The following ZNF407 variants were observed in gnomAD, a reference collection of about 807,000 sequenced individuals.
ZNF407 encodes the protein zinc finger protein 407.
A neutral mutation model predicts 131.2 loss-of-function variants in ZNF407; 17 were observed. That is an observed-to-expected ratio of 0.13 (90% CI 0.09 to 0.19). ZNF407 has a LOEUF of 0.19. ZNF407 is among the 10% of genes least tolerant of loss of function. The pLI, the probability that ZNF407 is intolerant of heterozygous loss-of-function variation, is 1.00. For synonymous variants in ZNF407, 1,156 were observed against 1,062.0 expected, an observed-to-expected ratio of 1.09 and a Z score of -1.72; for missense variants, 2,681 against 2,830.6, an observed-to-expected ratio of 0.95 and a Z score of 1.20.
intron 8 of ZNF407, among the ~76,000 whole-genome samples, chr18:75,043,092 CTG>C (rs1973392466): frequency 6.6e-6 from 1 of 152,180 alleles, no homozygotes; most frequent in African/African-American, 2.4e-5. Context: ...TGCCAACAAA[CTG>C]TTTTCCACCA....
At chr18:74,865,383 A>G (rs996245431) in intron 4 of ZNF407, among the ~76,000 whole-genome samples, 1 of 152,198 alleles carries the variant, frequency 6.6e-6, no homozygotes, top group African/African-American at 2.4e-5. Context: ...CCTTGCCCAT[A>G]ATTGAAAAAG....
At chr18:74,806,524 T>C (rs1970112077) in intron 4 of ZNF407, among the ~76,000 whole-genome samples, 1 of 152,190 alleles carries the variant, frequency 6.6e-6, no homozygotes, top group African/African-American at 2.4e-5. Flanking sequence ...CTTAGTTTCA[T>C]TTTCTGGAAA....
At chr18:74,908,193 T>C (rs1425450347) in intron 7 of ZNF407, among the ~76,000 whole-genome samples, 1 of 152,236 alleles carries the variant, frequency 6.6e-6, no homozygotes, top group Non-Finnish European at 1.5e-5. Flanking sequence ...TTATGCTATA[T>C]AGCAGTATTA....
At chr18:74,925,565 TAG>T (rs1345695798) in intron 8 of ZNF407, among the ~76,000 whole-genome samples, 1 of 152,230 alleles carries the variant, frequency 6.6e-6, no homozygotes, top group Non-Finnish European at 1.5e-5. Context: ...TAGAACCTTG[TAG>T]AATAGAATGC....
intron 3 of ZNF407, 58 bp from the exon 4 acceptor site, chr18:74,781,370 C>T (rs1969598204): frequency 2.5e-6 from 3 of 1,190,040 alleles, no homozygotes; most frequent in Admixed American, 2.4e-5. Flanking sequence ...TCTCTTTGTA[C>T]AGATTTCTAG....
chr18:74,811,409 CT>C (rs942032415), intron 4 of ZNF407, among the ~76,000 whole-genome samples: 3 of 152,036 alleles, frequency 2.0e-5, no homozygotes, highest in African/African-American at 7.3e-5. Flanking sequence ...AATAGGAACA[CT>C]TTTACACTGT....
chr18:74,940,706 T>C (rs1270263201), intron 8 of ZNF407, among the ~76,000 whole-genome samples: 2 of 152,298 alleles, frequency 1.3e-5, no homozygotes, highest in East Asian at 3.9e-4. Flanking sequence ...AATCCTACTT[T>C]GCGGGGCTGT....
intron 6 of ZNF407, among the ~76,000 whole-genome samples, chr18:74,884,037 C>T (rs1263543651): frequency 1.3e-5 from 2 of 152,092 alleles, no homozygotes; most frequent in African/African-American, 4.8e-5. Context: ...ATCCGTTTGC[C>T]TTTAAAATGA....
chr18:74,664,168 T>C (rs748937796), intron 3 of ZNF407, among the ~76,000 whole-genome samples: 3 of 152,168 alleles, frequency 2.0e-5, no homozygotes, highest in Admixed American at 6.5e-5. Flanking sequence ...GTGAATACCA[T>C]TTAACCAACG....
intron 3 of ZNF407, among the ~76,000 whole-genome samples, chr18:74,651,656 A>G (rs1224013914): frequency 6.6e-6 from 1 of 152,166 alleles, no homozygotes; most frequent in African/African-American, 2.4e-5. Context: ...AAAGTGGAAA[A>G]AAGGAAAGAT....
In ZNF407 at chr18:74,633,534, C is replaced by T; in HGVS notation, c.2515C>T (p.Pro839Ser). ...TGATGAATTAGCTTCAACCACTACT[C>T]CAAAGAGAGGGAGACCTAAAGGTAA... is the stretch of plus-strand genomic sequence containing the variant. ...KDDELASTTT[P>S]KRGRPKGNIS... Residue 839 changes from proline (P) to serine (S), a missense_variant, in exon 2 of 9, where the codon CCA (proline) becomes TCA (serine). Coordinates refer to ENST00000299687, the MANE Select transcript of ZNF407 (RefSeq NM_017757.3). The T allele has an allele frequency of 6.2e-7, 1 of 1,613,942 alleles. No homozygotes were observed. Among genetic ancestry groups the T allele is most frequent in the Non-Finnish European group, 8.5e-7 (1 of 1,179,874 alleles).
intron 8 of ZNF407, among the ~76,000 whole-genome samples, chr18:74,971,370 A>G (rs890744630): frequency 1.3e-5 from 2 of 152,198 alleles, no homozygotes; most frequent in Non-Finnish European, 2.9e-5. Flanking sequence ...CAAGTTTTCC[A>G]AACTTTTGTG....
At chr18:75,029,685 T>A (rs1026912520) in intron 8 of ZNF407, among the ~76,000 whole-genome samples, 23 of 152,236 alleles carry the variant, frequency 1.5e-4, no homozygotes, top group Non-Finnish European at 2.8e-4. Context: ...GTGCTTCGTT[T>A]CTTCAGCTCG....
chr18:74,869,386 T>C (rs1459181872), intron 4 of ZNF407, among the ~76,000 whole-genome samples: 1 of 152,198 alleles, frequency 6.6e-6, no homozygotes, highest in Non-Finnish European at 1.5e-5. Context: ...TTCCAAGCCC[T>C]GCAGCCCTGC....
At chr18:74,873,507 T>G (rs531456502) in intron 4 of ZNF407, among the ~76,000 whole-genome samples, 1 of 152,262 alleles carries the variant, frequency 6.6e-6, no homozygotes, top group South Asian at 2.1e-4. Flanking sequence ...GAAAGAAACC[T>G]CTCATAAATA....
chr18:74,733,072 G>GT (rs1968331046), intron 3 of ZNF407, among the ~76,000 whole-genome samples: 2 of 151,560 alleles, frequency 1.3e-5, no homozygotes, highest in African/African-American at 2.4e-5. Context: ...AGTAAAAAGT[G>GT]TTTAACTGTT....
intron 3 of ZNF407, among the ~76,000 whole-genome samples, chr18:74,756,298 C>T (rs1460350365): frequency 6.6e-6 from 1 of 152,040 alleles, no homozygotes; most frequent in Non-Finnish European, 1.5e-5. Flanking sequence ...TTTGGTTATT[C>T]TGAGTCTCTT....
chr18:74,724,265 G>A (rs1968106104), intron 3 of ZNF407, among the ~76,000 whole-genome samples: 1 of 152,120 alleles, frequency 6.6e-6, no homozygotes, highest in African/African-American at 2.4e-5. Context: ...AAATACATGT[G>A]TACATGGTGA....
chr18:74,718,207 C>G (rs182572023), intron 3 of ZNF407, among the ~76,000 whole-genome samples: 13 of 149,436 alleles, frequency 8.7e-5, no homozygotes, highest in Admixed American at 1.3e-4. Flanking sequence ...TTTTTGCAGC[C>G]CCCCCCCTCC....
Sources: gnomAD v4.1 joint callset for allele counts (sites outside exome capture counted in the v4.1 genomes callset) on GRCh38, gnomAD v4.1.1 for gene constraint, MANE v1.5 for transcripts, NCBI Gene and HGNC (gene_info 2026-07-23, HGNC 2026-07-21) for gene names.